The following EPM2A variants were observed in gnomAD, a reference collection of about 807,000 sequenced individuals.
EPM2A encodes laforin.
In EPM2A, 21 loss-of-function variants were observed where a neutral mutation model predicts 26.5. The ratio of observed to expected loss-of-function variants is 0.79; its 90% CI spans 0.56 to 1.14. The LOEUF (loss-of-function observed/expected upper bound fraction) is 1.14. Ranked by LOEUF, EPM2A falls within the 50% of genes most tolerant of loss-of-function variation. The pLI is 0.00. For synonymous variants in EPM2A, 217 were observed against 177.6 expected (o/e 1.22, Z -1.76); for missense variants, 458 against 440.8 (o/e 1.04, Z -0.35).
chr6:145,533,185 T>C (rs1026245347), intron 2 of EPM2A, among the ~76,000 whole-genome samples: 3 of 152,180 alleles, frequency 2.0e-5, no homozygotes, highest in African/African-American at 7.2e-5. Context: ...GGAGTCATTG[T>C]TGATTCTCTT....
intron 2 of EPM2A, among the ~76,000 whole-genome samples, chr6:145,619,092 C>T (rs1157888142): frequency 6.6e-6 from 1 of 151,778 alleles, no homozygotes; most frequent in Non-Finnish European, 1.5e-5. Flanking sequence ...ATTCAAGTTT[C>T]TAACTTGGGA....
At chr6:145,491,907 G>C in intron 4 of EPM2A, 1 of 478,684 alleles carries the variant, frequency 2.1e-6, no homozygotes, top group Admixed American at 2.4e-5. Context: ...TAAATTGAAA[G>C]AATTTATAGA....
chr6:145,729,203 T>C (rs1265995711), intron 1 of EPM2A, among the ~76,000 whole-genome samples: 1 of 152,130 alleles, frequency 6.6e-6, no homozygotes, highest in Non-Finnish European at 1.5e-5. Context: ...AGTGAGAACC[T>C]CTACTAAGGC....
intron 2 of EPM2A, among the ~76,000 whole-genome samples, chr6:145,556,381 G>T (rs1780728476): frequency 6.6e-6 from 1 of 152,098 alleles, no homozygotes; most frequent in South Asian, 2.1e-4. Flanking sequence ...AACTTGCAAA[G>T]GTTACTTGAC....
intron 1 of EPM2A, among the ~76,000 whole-genome samples, chr6:145,716,729 C>A (rs1775649359): frequency 6.6e-6 from 1 of 152,070 alleles, no homozygotes. Context: ...GGAGCCCCAC[C>A]ACAAAAAGCT....
chr6:145,646,111 TC>T (rs1210745478), intron 2 of EPM2A, among the ~76,000 whole-genome samples: 1 of 152,064 alleles, frequency 6.6e-6, no homozygotes, highest in Non-Finnish European at 1.5e-5. Flanking sequence ...ACCTAATGAG[TC>T]CCACCTGGCA....
At chr6:145,442,358 G>A (rs1779075586) in intron 4 of EPM2A, among the ~76,000 whole-genome samples, 2 of 152,178 alleles carry the variant, frequency 1.3e-5, no homozygotes, top group South Asian at 4.1e-4. Context: ...ACATACCCAA[G>A]ATTGGGAAGA....
At chr6:145,527,246 G>A (rs1169493334) in intron 2 of EPM2A, among the ~76,000 whole-genome samples, 2 of 152,186 alleles carry the variant, frequency 1.3e-5, no homozygotes, top group African/African-American at 4.8e-5. Flanking sequence ...GTGCAGATGA[G>A]AAGAATGTAT....
chr6:145,685,443 T>C (rs1389455112), intron 2 of EPM2A, among the ~76,000 whole-genome samples: 2 of 152,164 alleles, frequency 1.3e-5, no homozygotes, highest in African/African-American at 2.4e-5. Context: ...CAATTTCTTA[T>C]GTGTAATAGA....
chr6:145,729,015 C>G (rs1465691937), intron 1 of EPM2A, among the ~76,000 whole-genome samples: 1 of 152,194 alleles, frequency 6.6e-6, no homozygotes, highest in Non-Finnish European at 1.5e-5. Context: ...CCAAATATGT[C>G]TCAGTCCACT....
At chr6:145,513,610 G>C (rs752009434) in intron 2 of EPM2A, among the ~76,000 whole-genome samples, 2 of 152,194 alleles carry the variant, frequency 1.3e-5, no homozygotes, top group African/African-American at 4.8e-5. Context: ...CTCAAGTTTC[G>C]ATGCCTGGGA....
intron 2 of EPM2A, among the ~76,000 whole-genome samples, chr6:145,600,987 G>C (rs1303912959): frequency 3.9e-5 from 6 of 152,220 alleles, no homozygotes; most frequent in South Asian, 2.1e-4. Context: ...CCCCAGGTTG[G>C]GGGGAGGCAG....
chr6:145,528,171 A>G (rs1780304948), intron 2 of EPM2A, among the ~76,000 whole-genome samples: 1 of 152,196 alleles, frequency 6.6e-6, no homozygotes. Context: ...AACCATCCCC[A>G]TAACACAAAA....
intron 1 of EPM2A, among the ~76,000 whole-genome samples, chr6:145,728,331 G>A (rs975588829): frequency 2.6e-5 from 4 of 152,172 alleles, no homozygotes; most frequent in Non-Finnish European, 4.4e-5. Flanking sequence ...AGAGGAAGCA[G>A]GAGGATGAAG....
At chr6:145,664,523 G>A (rs1779000308) in intron 2 of EPM2A, among the ~76,000 whole-genome samples, 1 of 143,830 alleles carries the variant, frequency 7.0e-6, no homozygotes, top group Non-Finnish European at 1.5e-5. Flanking sequence ...CAAGTCCTGA[G>A]TGACCTACAA....
chr6:145,544,464 C>A (rs1225312436), intron 2 of EPM2A, among the ~76,000 whole-genome samples: 2 of 152,166 alleles, frequency 1.3e-5, no homozygotes, highest in Admixed American at 1.3e-4. Flanking sequence ...AAATAGCCAG[C>A]AATCAGAATT....
At chr6:145,574,755 A>C (rs984332467) in intron 2 of EPM2A, among the ~76,000 whole-genome samples, 3 of 152,210 alleles carry the variant, frequency 2.0e-5, no homozygotes, top group African/African-American at 7.2e-5. Flanking sequence ...TAACCAAGCA[A>C]ATAAACTATT....
At chr6:145,416,322 G>A (rs1049334759) in intron 4 of EPM2A, among the ~76,000 whole-genome samples, 3 of 150,682 alleles carry the variant, frequency 2.0e-5, no homozygotes, top group African/African-American at 4.9e-5. Context: ...CTTAAACACA[G>A]AACTATGTTA....
Position 145,501,672 on chromosome 6 carries a change from G to A in EPM2A, c.*135C>T, listed in dbSNP as rs1054536863. 5.6e-5 allele frequency: 23 copies of A among 408,664 alleles called. 1 individual carries two copies. The highest frequency in any genetic ancestry group is 2.2e-4 in the Admixed American group (8 of 36,168). The allele number at this position is 408,664 out of a possible 1,614,324, so 25.3% of individuals were successfully genotyped here. A position where few individuals can be genotyped will look rare whatever the true frequency, so the allele number is the denominator to read the frequency against. ...CAGAAGTGGGGGAAGAAGGAGTTAC[G>A]AAGATTGTCCCACTAATTAGTAACA... On this transcript the variant is annotated 3_prime_UTR_variant, in exon 4 of 4. Coordinates refer to the EPM2A transcript ENST00000450221.
Sources: allele counts gnomAD v4.1 joint callset (sites outside exome capture counted in the v4.1 genomes callset), GRCh38; gene constraint gnomAD v4.1.1; transcripts MANE v1.5; gene names NCBI Gene and HGNC (gene_info 2026-07-23, HGNC 2026-07-21).